MAPK10: variants seen among roughly 807,000 people sequenced by gnomAD.
MAPK10 encodes JNK3 alpha protein kinase.
In MAPK10, 25 loss-of-function variants were observed where a neutral mutation model predicts 59.3. The ratio of observed to expected loss-of-function variants is 0.42; its 90% CI spans 0.31 to 0.59. The LOEUF is 0.59. MAPK10 is among the 20% of genes least tolerant of loss of function. The probability of loss-of-function intolerance (pLI) is 0.15; values close to 1 mark genes in which losing one functional copy is unlikely to be tolerated. For synonymous variants in MAPK10, 190 were observed against 200.5 expected (o/e 0.95, Z 0.44); for missense variants, 351 against 568.9 (o/e 0.62, Z 3.90).
At chr4:86,151,373 G>A (rs994065069) in intron 4 of MAPK10, among the ~76,000 whole-genome samples, 2 of 152,120 alleles carry the variant, frequency 1.3e-5, no homozygotes, top group South Asian at 2.1e-4. Context: ...GGGAGCTGAC[G>A]AGACATATAT....
intron 3 of MAPK10, among the ~76,000 whole-genome samples, chr4:86,168,898 C>T (rs1326177967): frequency 3.9e-5 from 6 of 152,258 alleles, no homozygotes; most frequent in South Asian, 4.1e-4. Context: ...GCAGCATTCG[C>T]GGTTCACAAA....
At chr4:86,215,395 A>G (rs1356250684) in intron 2 of MAPK10, among the ~76,000 whole-genome samples, 41 of 152,226 alleles carry the variant, frequency 2.7e-4, no homozygotes, top group Non-Finnish European at 1.0e-4. Flanking sequence ...CAACAAAAGC[A>G]AAAATAGACA....
intron 11 of MAPK10, among the ~76,000 whole-genome samples, chr4:86,049,006 A>G (rs924605464): frequency 5.3e-5 from 8 of 152,050 alleles, no homozygotes; most frequent in Non-Finnish European, 7.4e-5. Flanking sequence ...CGCCCCTTCT[A>G]CCTACATGGA....
chr4:86,255,503 T>C (rs1352781165), intron 2 of MAPK10, among the ~76,000 whole-genome samples: 1 of 152,202 alleles, frequency 6.6e-6, no homozygotes, highest in East Asian at 1.9e-4. Context: ...TGATAGTGTA[T>C]CTGCTGTTCA....
chr4:86,559,487 A>G (rs1760509076), intron 1 of MAPK10, among the ~76,000 whole-genome samples: 1 of 152,168 alleles, frequency 6.6e-6, no homozygotes, highest in Non-Finnish European at 1.5e-5. Flanking sequence ...TTTCTCCACA[A>G]TGAACTCTCT....
chr4:86,269,925 T>C (rs2094380028), intron 2 of MAPK10, among the ~76,000 whole-genome samples: 1 of 152,134 alleles, frequency 6.6e-6, no homozygotes, highest in Admixed American at 6.6e-5. Flanking sequence ...TGAGCAAGCA[T>C]TTTATCCCTC....
rs1183331179 is a variant in MAPK10 at position 86,031,246 on chromosome 4, G to T, written c.1174+122C>A. 4 of 688,150 alleles carry T rather than the reference G, an allele frequency of 5.8e-6. No homozygotes were observed. In the East Asian group the frequency reaches 1.1e-4, roughly 19 times the overall value. The allele number at this position is 688,150 out of a possible 1,614,324, so 42.6% of individuals were successfully genotyped here. On this transcript the variant is annotated intron_variant, in intron 12 of 13. Transcript: ENST00000641462. ...ATGAAGTTTTAGGAGCTTTAAAAAT[G>T]GTCTAAGAGAATAGCAGTCAGCAAA...
chr4:86,570,990 C>G (rs1343188968), intron 1 of MAPK10, among the ~76,000 whole-genome samples: 1 of 151,996 alleles, frequency 6.6e-6, no homozygotes, highest in Non-Finnish European at 1.5e-5. Context: ...CCAGTTATAA[C>G]CAGCTACCAG....
At chr4:86,139,352 A>T (rs933638049) in intron 4 of MAPK10, among the ~76,000 whole-genome samples, 2 of 151,238 alleles carry the variant, frequency 1.3e-5, no homozygotes, top group Non-Finnish European at 2.9e-5. Flanking sequence ...TCAATGGAAC[A>T]GAACAGAGCC....
At chr4:86,091,878 T>A (rs915634095) in intron 9 of MAPK10, among the ~76,000 whole-genome samples, 19 of 152,054 alleles carry the variant, frequency 1.2e-4, no homozygotes, top group Non-Finnish European at 2.6e-4. Flanking sequence ...TTCACCATGT[T>A]GGCCAGGATG....
intron 4 of MAPK10, among the ~76,000 whole-genome samples, chr4:86,148,156 A>G (rs558712459): frequency 6.6e-6 from 1 of 152,322 alleles, no homozygotes; most frequent in African/African-American, 2.4e-5. Flanking sequence ...AAGAGTTCCA[A>G]AAGAGATGTA....
At chr4:86,583,663 G>T (rs1762463228) in intron 1 of MAPK10, among the ~76,000 whole-genome samples, 1 of 152,220 alleles carries the variant, frequency 6.6e-6, no homozygotes, top group African/African-American at 2.4e-5. Flanking sequence ...AGAAGCAGTT[G>T]CCTATTACCT....
chr4:86,174,325 T>G (rs998540657), intron 3 of MAPK10, among the ~76,000 whole-genome samples: 1 of 152,166 alleles, frequency 6.6e-6, no homozygotes, highest in Non-Finnish European at 1.5e-5. Flanking sequence ...TGCAGGGACA[T>G]GCATGAAGCT....
At chr4:86,444,538 G>A (rs1749785052) in intron 1 of MAPK10, among the ~76,000 whole-genome samples, 1 of 151,976 alleles carries the variant, frequency 6.6e-6, no homozygotes, top group African/African-American at 2.4e-5. Context: ...ATCACCAAAA[G>A]CAAGTGTAAC....
chr4:86,548,810 T>C (rs761762901), intron 1 of MAPK10, among the ~76,000 whole-genome samples: 1 of 152,190 alleles, frequency 6.6e-6, no homozygotes, highest in Non-Finnish European at 1.5e-5. Context: ...TTGCACACTA[T>C]GAACAATAAG....
chr4:86,380,925 T>C (rs964827489), intron 1 of MAPK10, among the ~76,000 whole-genome samples: 4 of 150,284 alleles, frequency 2.7e-5, no homozygotes, highest in Non-Finnish European at 5.9e-5. Flanking sequence ...AAAGAGAGAC[T>C]GAGAGACCGA....
intron 3 of MAPK10, chr4:86,191,581 T>TTTTTTTTTTTTTTTTTTC (rs2079848685): frequency 9.1e-6 from 1 of 109,744 alleles, no homozygotes; most frequent in Non-Finnish European, 1.8e-5. Flanking sequence ...TTTTTTTTTT[T>TTTTTTTTTTTTTTTTTTC]TTTTTTTTTT....
At chr4:86,102,092 T>A in intron 6 of MAPK10, 60 bp from the exon 7 acceptor site, 1 of 1,455,834 alleles carries the variant, frequency 6.9e-7, no homozygotes, top group Middle Eastern at 1.7e-4. Flanking sequence ...GTCCTTTGAT[T>A]TAGTCAGAAT....
intron 1 of MAPK10, among the ~76,000 whole-genome samples, chr4:86,550,766 A>C (rs1210894477): frequency 1.3e-5 from 2 of 152,196 alleles, no homozygotes; most frequent in Non-Finnish European, 2.9e-5. Context: ...TCATGGGCTT[A>C]ACCAAAATTT....
Sources: gnomAD v4.1 joint callset for allele counts (sites outside exome capture counted in the v4.1 genomes callset) on GRCh38, gnomAD v4.1.1 for gene constraint, MANE v1.5 for transcripts, NCBI Gene and HGNC (gene_info 2026-07-23, HGNC 2026-07-21) for gene names.